Variants in CHRNA7 observed in about 807,000 individuals in gnomAD.
CHRNA7 encodes neuronal acetylcholine receptor subunit alpha-7.
A neutral mutation model predicts 48.0 loss-of-function variants in CHRNA7; 17 were observed. The observed-to-expected ratio is 0.35, with a 90% CI of 0.24 to 0.53. CHRNA7 has a LOEUF of 0.53. Ranked by LOEUF, CHRNA7 falls within the 20% of genes least tolerant of loss-of-function variation. CHRNA7 has a pLI of 0.92. For missense variants in CHRNA7, 155 were observed against 577.7 expected, an observed-to-expected ratio of 0.27 and a Z score of 7.50; for synonymous variants, 75 against 242.3, an observed-to-expected ratio of 0.31 and a Z score of 6.41.
chr15:32,044,954 G>A (rs1566798614), intron 2 of CHRNA7, among the ~76,000 whole-genome samples: 1 of 152,150 alleles, frequency 6.6e-6, no homozygotes, highest in African/African-American at 2.4e-5. Flanking sequence ...GCTTCATCCG[G>A]TCCGTTTTCT....
intron 4 of CHRNA7, among the ~76,000 whole-genome samples, chr15:32,145,731 G>C (rs2051473757): frequency 6.6e-6 from 1 of 152,202 alleles, no homozygotes; most frequent in South Asian, 2.1e-4. Context: ...ACTGGGCCAG[G>C]CACAGGAGGG....
intron 3 of CHRNA7, among the ~76,000 whole-genome samples, chr15:32,108,996 G>A (rs557869184): frequency 9.2e-5 from 14 of 152,056 alleles, no homozygotes; most frequent in East Asian, 5.8e-4. Flanking sequence ...CTGCCACTAC[G>A]GTTACCTGAA....
intron 2 of CHRNA7, among the ~76,000 whole-genome samples, chr15:32,061,035 G>A (rs1466090589): frequency 1.3e-5 from 2 of 152,220 alleles, no homozygotes; most frequent in Non-Finnish European, 2.9e-5. Context: ...ATGCATGGCA[G>A]CCCTGTTTCA....
At chr15:32,083,712 A>G (rs1249300098) in intron 2 of CHRNA7, among the ~76,000 whole-genome samples, 1 of 152,180 alleles carries the variant, frequency 6.6e-6, no homozygotes, top group African/African-American at 2.4e-5. Flanking sequence ...TCCCTGACAT[A>G]TTAAGTGGCT....
intron 2 of CHRNA7, among the ~76,000 whole-genome samples, chr15:32,060,470 A>G (rs946386908): frequency 6.6e-6 from 1 of 152,244 alleles, no homozygotes; most frequent in Non-Finnish European, 1.5e-5. Flanking sequence ...AAGAATAGAA[A>G]TAGGATATAA....
chr15:32,095,715 A>G (rs2050457968), intron 2 of CHRNA7, among the ~76,000 whole-genome samples: 1 of 152,226 alleles, frequency 6.6e-6, no homozygotes, highest in Non-Finnish European at 1.5e-5. Flanking sequence ...TGAAAAAAAG[A>G]TTTGACTCAC....
intron 3 of CHRNA7, among the ~76,000 whole-genome samples, chr15:32,104,767 C>T (rs2050634143): frequency 6.6e-6 from 1 of 152,206 alleles, no homozygotes; most frequent in Non-Finnish European, 1.5e-5. Flanking sequence ...GCAGCACTTT[C>T]GTACTGTGTG....
At position 32,166,778 on chromosome 15, in the gene CHRNA7, C is replaced by T. The variant is rs374472276; in HGVS notation, c.991-1162C>T. ...TTACCTGGATTGAGGCTTCAGTTGT[C>T]TCTCTTCTTTCCATGAGAGGCAAAA... On this transcript the variant is annotated intron_variant, in intron 9 of 9. Transcript: ENST00000306901. Among the ~76,000 whole-genome samples, 74 of 137,542 alleles carry T rather than the reference C, an allele frequency of 5.4e-4. No individual in the cohort carries two copies. The East Asian group carries it at 0.013, about 24-fold the overall frequency. The allele number at this position is 137,542 out of a possible 152,430, so 90.2% of individuals were successfully genotyped here. A position where few individuals can be genotyped will look rare whatever the true frequency, so the allele number is the denominator to read the frequency against.
chr15:32,101,458 AAC>A, intron 3 of CHRNA7, 111 bp downstream of exon 3: 9 of 1,127,790 alleles, frequency 8.0e-6, no homozygotes, highest in Non-Finnish European at 1.1e-5. Context: ...TAGGAAAAAA[AAC>A]CAAAAAAACA....
intron 2 of CHRNA7, among the ~76,000 whole-genome samples, chr15:32,058,398 T>C (rs1364454667): frequency 6.6e-6 from 1 of 152,168 alleles, no homozygotes; most frequent in Non-Finnish European, 1.5e-5. Context: ...AAAAGGAATA[T>C]TCATGACAGG....
chr15:32,054,431 A>C (rs1418267811), intron 2 of CHRNA7, among the ~76,000 whole-genome samples: 1 of 152,120 alleles, frequency 6.6e-6, no homozygotes, highest in African/African-American at 2.4e-5. Flanking sequence ...CTTATTTTGG[A>C]AGTTATTCTT....
At chr15:32,085,487 G>A (rs1172990864) in intron 2 of CHRNA7, among the ~76,000 whole-genome samples, 1 of 152,170 alleles carries the variant, frequency 6.6e-6, no homozygotes, top group East Asian at 1.9e-4. Context: ...AATCGGGCAT[G>A]TCTTACAGTT....
chr15:32,133,733 A>G (rs2051196090), intron 4 of CHRNA7, among the ~76,000 whole-genome samples: 1 of 152,214 alleles, frequency 6.6e-6, no homozygotes, highest in Non-Finnish European at 1.5e-5. Context: ...CTGGTTTGAT[A>G]TGTCCAGCAG....
chr15:32,086,141 G>A (rs760948547), intron 2 of CHRNA7, among the ~76,000 whole-genome samples: 3 of 151,978 alleles, frequency 2.0e-5, no homozygotes, highest in African/African-American at 7.3e-5. Flanking sequence ...AGGCTGAGGC[G>A]GGCAGATCAT....
At chr15:32,061,964 C>CA (rs2049886414) in intron 2 of CHRNA7, among the ~76,000 whole-genome samples, 1 of 152,178 alleles carries the variant, frequency 6.6e-6, no homozygotes, top group East Asian at 1.9e-4. Flanking sequence ...TCACAATACT[C>CA]ATGATTGGTG....
In CHRNA7 at chr15:32,137,133, C is replaced by G. The variant is rs372375187; in HGVS notation, c.351-16774C>G. ...TAACATTAGATGGTAGAAATGAAAA[C>G]AAATATTACAGTAGACAAGATAAAA... On this transcript the variant is annotated intron_variant, in intron 4 of 9. Transcript: ENST00000306901. Among the ~76,000 whole-genome samples the G allele has an allele frequency of 2.8e-5, 4 of 141,738 alleles. No individual in the cohort carries two copies. In the East Asian group the frequency reaches 6.4e-4, roughly 23 times the overall value. 93.0% of individuals were successfully genotyped at this position (141,738 alleles called of 152,430 possible). A position where few individuals can be genotyped will look rare whatever the true frequency, so the allele number is the denominator to read the frequency against.
chr15:32,141,664 A>G (rs1405552475), intron 4 of CHRNA7, among the ~76,000 whole-genome samples: 1 of 151,894 alleles, frequency 6.6e-6, no homozygotes, highest in Middle Eastern at 3.2e-3. Flanking sequence ...ATTCCTAGGT[A>G]TTTTATTCTC....
chr15:32,150,682 A>G (rs2051607571), intron 4 of CHRNA7, among the ~76,000 whole-genome samples: 1 of 152,160 alleles, frequency 6.6e-6, no homozygotes, highest in Non-Finnish European at 1.5e-5. Context: ...TTCAAATTCA[A>G]AGGAACTAAA....
chr15:32,097,605 T>A (rs2050494210), intron 2 of CHRNA7, among the ~76,000 whole-genome samples: 1 of 152,208 alleles, frequency 6.6e-6, no homozygotes, highest in Non-Finnish European at 1.5e-5. Flanking sequence ...TTTTATAAGC[T>A]ACCCAGTGTA....
Sources: gnomAD v4.1 joint callset for allele counts (sites outside exome capture counted in the v4.1 genomes callset) on GRCh38, gnomAD v4.1.1 for gene constraint, MANE v1.5 for transcripts, NCBI Gene and HGNC (gene_info 2026-07-23, HGNC 2026-07-21) for gene names.